The following ECE1 variants were observed in gnomAD, a reference collection of about 807,000 sequenced individuals.
ECE1 encodes the protein endothelin-converting enzyme 1.
A neutral mutation model predicts 98.6 loss-of-function variants in ECE1; 35 were observed. The observed-to-expected ratio is 0.35, with a 90% CI of 0.27 to 0.47. The LOEUF (loss-of-function observed/expected upper bound fraction) is 0.47, where lower values mean the gene tolerates loss of function less well. ECE1 is among the 20% of genes least tolerant of loss of function. ECE1 has a pLI of 1.00. For synonymous variants in ECE1, 394 were observed against 407.1 expected, an observed-to-expected ratio of 0.97 and a Z score of 0.39; for missense variants, 814 against 1,025.3, an observed-to-expected ratio of 0.79 and a Z score of 2.81.
At chr1:21,263,174 C>A (rs2098229291) in intron 4 of ECE1, among the ~76,000 whole-genome samples, 1 of 152,098 alleles carries the variant, frequency 6.6e-6, no homozygotes, top group Non-Finnish European at 1.5e-5. Flanking sequence ...TGCCCCTCCG[C>A]CATTCCATGT....
rs572111483 is a variant in ECE1, at chr1:21,322,542, G to A, written c.3+22834C>T. On this transcript the variant is annotated intron_variant, in intron 1 of 18. Coordinates refer to the ECE1 transcript ENST00000415912. The surrounding 1 kb of genome is among the most constrained non-coding windows in gnomAD (Gnocchi z 4.1). Reference sequence around the variant, plus strand: ...GGGCTGTGCCAGGCCCCCCACATGTGTCACACTCCAGGGCCCCAGGCCTGT... The same window carrying A: ...GGGCTGTGCCAGGCCCCCCACATGTATCACACTCCAGGGCCCCAGGCCTGT... Among the ~76,000 whole-genome samples, 36 of 152,336 alleles carry A rather than the reference G, an allele frequency of 2.4e-4. No homozygotes were observed. The highest frequency in any genetic ancestry group is 4.9e-4 in the Non-Finnish European group (33 of 68,030).
chr1:21,315,789 CAAAAAAAAAAA>C (rs754647376), intron 1 of ECE1, among the ~76,000 whole-genome samples: 1 of 47,284 alleles, frequency 2.1e-5, no homozygotes, highest in Non-Finnish European at 4.5e-5. Flanking sequence ...GACTCTGTCT[CAAAAAAAAAAA>C]AAAAAAAAAA....
chr1:21,275,210 G>C (rs2098245135), intron 3 of ECE1, among the ~76,000 whole-genome samples: 1 of 152,190 alleles, frequency 6.6e-6, no homozygotes, highest in East Asian at 1.9e-4. Context: ...GTGTGAGAGA[G>C]AGACAGACTG....
At chr1:21,334,020 G>T (rs1388248377) in intron 1 of ECE1, among the ~76,000 whole-genome samples, 1 of 152,180 alleles carries the variant, frequency 6.6e-6, no homozygotes, top group African/African-American at 2.4e-5. Context: ...CTCAGAGATG[G>T]TCACTCACCA....
intron 1 of ECE1, among the ~76,000 whole-genome samples, chr1:21,325,971 A>C (rs1053578919): frequency 6.6e-6 from 1 of 152,052 alleles, no homozygotes; most frequent in African/African-American, 2.4e-5. Flanking sequence ...AGCTTCCCCT[A>C]GCGCAGTGAT....
At chr1:21,273,755 A>G (rs1041984107) in intron 3 of ECE1, among the ~76,000 whole-genome samples, 1 of 152,196 alleles carries the variant, frequency 6.6e-6, no homozygotes, top group Non-Finnish European at 1.5e-5. Context: ...CTTGGGAGGC[A>G]GAGGCAGAAG....
At chr1:21,222,499 G>C (rs1336217348) in intron 17 of ECE1, among the ~76,000 whole-genome samples, 1 of 152,104 alleles carries the variant, frequency 6.6e-6, no homozygotes, top group African/African-American at 2.4e-5. Flanking sequence ...GGGATTTGTG[G>C]GCTAATGGTC....
chr1:21,298,670 G>A, intron 1 of ECE1: 2 of 443,382 alleles, frequency 4.5e-6, no homozygotes, highest in South Asian at 3.2e-5. Context: ...CCTTGCAAGT[G>A]TGAAACAACT....
intron 1 of ECE1, among the ~76,000 whole-genome samples, chr1:21,342,951 C>T (rs1411276324): frequency 3.9e-5 from 6 of 152,190 alleles, no homozygotes; most frequent in Non-Finnish European, 8.8e-5. Flanking sequence ...AACCTTTTTG[C>T]CCTCTTTCTC....
chr1:21,309,940 C>T (rs929704008), intron 1 of ECE1, among the ~76,000 whole-genome samples: 2 of 152,058 alleles, frequency 1.3e-5, no homozygotes, highest in African/African-American at 2.4e-5. Flanking sequence ...TACAGGCGCC[C>T]GCCACCACAC....
chr1:21,325,863 T>C (rs756388607), intron 1 of ECE1, among the ~76,000 whole-genome samples: 4 of 152,208 alleles, frequency 2.6e-5, no homozygotes, highest in Non-Finnish European at 5.9e-5. Context: ...TCCTGCCTAC[T>C]GTCCCGACGC....
chr1:21,279,730 C>G, intron 2 of ECE1: 1 of 1,299,778 alleles, frequency 7.7e-7, no homozygotes, highest in Non-Finnish European at 9.8e-7. Context: ...TCAGCGGGGT[C>G]AGGGACAAGG....
At chr1:21,256,366 G>T (rs1281508377) in intron 7 of ECE1, among the ~76,000 whole-genome samples, 2 of 152,152 alleles carry the variant, frequency 1.3e-5, no homozygotes, top group Non-Finnish European at 2.9e-5. Context: ...GACCAACCTG[G>T]CCAACATGGC....
intron 1 of ECE1, among the ~76,000 whole-genome samples, chr1:21,303,014 C>T (rs115884883): frequency 3.5e-4 from 53 of 152,326 alleles, no homozygotes; most frequent in African/African-American, 1.2e-3. Flanking sequence ...GCTATTTCTG[C>T]CCCCACTTGC....
chr1:21,299,016 A>G, intron 1 of ECE1: 1 of 381,526 alleles, frequency 2.6e-6, no homozygotes, highest in Non-Finnish European at 5.3e-6. Flanking sequence ...TGTGATGACC[A>G]GGCTGGGGAA....
upstream of ECE1, among the ~76,000 whole-genome samples, chr1:21,292,608 C>A (rs1267842469): frequency 1.3e-5 from 2 of 152,212 alleles, no homozygotes; most frequent in African/African-American, 4.8e-5. Flanking sequence ...CACAGCTTTA[C>A]TGGGGCTGGG....
intron 13 of ECE1, among the ~76,000 whole-genome samples, chr1:21,234,272 G>A (rs925732769): frequency 6.6e-6 from 1 of 151,970 alleles, no homozygotes; most frequent in Non-Finnish European, 1.5e-5. Flanking sequence ...ACAGGCGTGA[G>A]CCACCACGCC....
intron 1 of ECE1, chr1:21,298,394 A>T: frequency 3.9e-6 from 1 of 257,386 alleles, no homozygotes; most frequent in Non-Finnish European, 8.0e-6. Context: ...AACACAGTGA[A>T]GAGCAGCCAA....
intron 2 of ECE1, among the ~76,000 whole-genome samples, chr1:21,282,588 G>GAAAAAAAAA (rs34279756): frequency 1.7e-5 from 2 of 120,220 alleles, no homozygotes; most frequent in Non-Finnish European, 3.5e-5. Flanking sequence ...ACGCTGTCTT[G>GAAAAAAAAA]AAAAAAAAAA....
Sources: gnomAD v4.1 joint callset for allele counts (sites outside exome capture counted in the v4.1 genomes callset) on GRCh38, gnomAD v4.1.1 for gene constraint, Gnocchi (gnomAD v3.1) non-coding constraint, MANE v1.5 for transcripts, NCBI Gene and HGNC (gene_info 2026-07-23, HGNC 2026-07-21) for gene names.